KCNH1: variants seen among roughly 807,000 people sequenced by gnomAD.
KCNH1 encodes voltage-gated delayed rectifier potassium channel KCNH1.
KCNH1 carries 27 observed loss-of-function variants against 69.2 expected under a neutral mutation model. The ratio of observed to expected loss-of-function variants is 0.39; its 90% confidence interval spans 0.29 to 0.54. KCNH1 has a LOEUF of 0.54. KCNH1 is among the 20% of genes least tolerant of loss of function. The pLI, the probability that KCNH1 is intolerant of heterozygous loss-of-function variation, is 0.68. For synonymous variants in KCNH1, 456 were observed against 487.7 expected (o/e 0.93, Z 0.86); for missense variants, 798 against 1,261.6 (o/e 0.63, Z 5.57).
chr1:210,889,837 G>A (rs1259588196), intron 7 of KCNH1, among the ~76,000 whole-genome samples: 1 of 152,004 alleles, frequency 6.6e-6, no homozygotes, highest in Non-Finnish European at 1.5e-5. Flanking sequence ...AACTTACAAG[G>A]GATGTGAAGG....
At chr1:210,949,657 T>G (rs1166089489) in intron 6 of KCNH1, among the ~76,000 whole-genome samples, 1 of 152,152 alleles carries the variant, frequency 6.6e-6, no homozygotes, top group Non-Finnish European at 1.5e-5. Flanking sequence ...AATGAATCGG[T>G]TGCACCAGCC....
intron 1 of KCNH1, among the ~76,000 whole-genome samples, chr1:211,114,364 C>A (rs547115145): frequency 3.5e-4 from 54 of 152,274 alleles, no homozygotes; most frequent in South Asian, 2.7e-3. Context: ...GCTCGAGATA[C>A]CACTTTATAG....
At position 211,060,326 on chromosome 1, in the gene KCNH1, G is replaced by A. The variant is rs1690410736; in HGVS notation, c.558+22454C>T. The stretch of plus-strand genomic sequence containing the variant: ...ACCTTATGATGCATCTTATGAACCC[G>A]GGAGGCGGAGCTTGCAGTGAGCCGA... On this transcript the variant is annotated intron_variant, in intron 5 of 10. Coordinates refer to ENST00000271751, the MANE Select transcript of KCNH1 (RefSeq NM_172362.3). 1.3e-5 allele frequency among the ~76,000 whole-genome samples: 2 copies of A among 148,486 alleles called. 1 individual carries two copies. The highest frequency in any genetic ancestry group is 4.3e-4 in the South Asian group (2 of 4,700).
At chr1:211,009,671 C>G (rs1216435968) in intron 6 of KCNH1, among the ~76,000 whole-genome samples, 1 of 151,342 alleles carries the variant, frequency 6.6e-6, no homozygotes, top group Non-Finnish European at 1.5e-5. Flanking sequence ...TGCAGTGGTG[C>G]GATCTCAGCT....
chr1:210,768,601 C>T (rs976433533), intron 10 of KCNH1, among the ~76,000 whole-genome samples: 13 of 152,204 alleles, frequency 8.5e-5, no homozygotes, highest in Non-Finnish European at 1.3e-4. Context: ...TGTAGATCCA[C>T]GGAAGACCAC....
intron 7 of KCNH1, among the ~76,000 whole-genome samples, chr1:210,909,124 A>G (rs754263656): frequency 7.2e-5 from 11 of 152,266 alleles, no homozygotes; most frequent in Non-Finnish European, 1.6e-4. Context: ...AACATTTGTT[A>G]GTCTGCAAAA....
chr1:210,964,635 A>G (rs185113152), intron 6 of KCNH1, among the ~76,000 whole-genome samples: 1 of 152,214 alleles, frequency 6.6e-6, no homozygotes, highest in Non-Finnish European at 1.5e-5. Context: ...AAAAAAGTCC[A>G]GGATCTGACA....
intron 5 of KCNH1, among the ~76,000 whole-genome samples, chr1:211,062,070 A>G (rs1690441822): frequency 6.6e-6 from 1 of 152,176 alleles, no homozygotes; most frequent in Non-Finnish European, 1.5e-5. Flanking sequence ...AAATTATACT[A>G]CAAAGCTGTA....
intron 5 of KCNH1, among the ~76,000 whole-genome samples, chr1:211,065,111 T>C (rs1187543048): frequency 1.3e-5 from 2 of 152,202 alleles, no homozygotes; most frequent in East Asian, 1.9e-4. Context: ...AATGACCATA[T>C]GATTCACCAA....
At chr1:210,826,281 G>A (rs752458665) in intron 7 of KCNH1, among the ~76,000 whole-genome samples, 5 of 152,034 alleles carry the variant, frequency 3.3e-5, no homozygotes, top group African/African-American at 7.2e-5. Flanking sequence ...ATCAGTAGGC[G>A]AGCTCTGAGC....
chr1:210,875,639 TA>T (rs1686357332), intron 7 of KCNH1, among the ~76,000 whole-genome samples: 1 of 151,836 alleles, frequency 6.6e-6, no homozygotes, highest in Non-Finnish European at 1.5e-5. Context: ...CCATCTCTAC[TA>T]AAAACACAAA....
intron 5 of KCNH1, among the ~76,000 whole-genome samples, chr1:211,041,823 T>C (rs1227218895): frequency 5.3e-5 from 8 of 152,148 alleles, no homozygotes; most frequent in Admixed American, 5.2e-4. Flanking sequence ...GGCATGATCC[T>C]GGCTCACTGC....
At chr1:211,071,012 T>C (rs1190099302) in intron 5 of KCNH1, among the ~76,000 whole-genome samples, 1 of 152,160 alleles carries the variant, frequency 6.6e-6, no homozygotes, top group East Asian at 1.9e-4. Context: ...ACCAATAATA[T>C]AAAGTCAATT....
intron 10 of KCNH1, among the ~76,000 whole-genome samples, chr1:210,706,531 A>G (rs1181891725): frequency 1.3e-5 from 2 of 152,222 alleles, no homozygotes; most frequent in African/African-American, 4.8e-5. Context: ...TAATGATTTA[A>G]TTAGAACCAC....
chr1:211,021,187 CT>C, intron 5 of KCNH1, among the ~76,000 whole-genome samples: 1 of 152,162 alleles, frequency 6.6e-6, no homozygotes, highest in Non-Finnish European at 1.5e-5. Context: ...GGATAAAAGA[CT>C]ACAAAATTGG....
At chr1:210,794,960 C>T (rs74620502) in intron 9 of KCNH1, among the ~76,000 whole-genome samples, 26,626 of 152,118 alleles carry the variant, frequency 0.18, 3,088 homozygotes, top group Non-Finnish European at 0.26. Context: ...TTTTTGCCTT[C>T]ATGAGTCCTA....
intron 6 of KCNH1, among the ~76,000 whole-genome samples, chr1:211,001,065 A>G (rs548444223): frequency 1.7e-4 from 26 of 152,330 alleles, no homozygotes; most frequent in African/African-American, 5.8e-4. Context: ...AAACCCTAGA[A>G]GAAAACCCAG....
intron 10 of KCNH1, among the ~76,000 whole-genome samples, chr1:210,749,328 T>A (rs1286147452): frequency 6.6e-6 from 1 of 152,148 alleles, no homozygotes; most frequent in Non-Finnish European, 1.5e-5. Context: ...TTACCTGAGC[T>A]TTTAAGTAAA....
At chr1:211,119,447 T>A (rs1246118641) in intron 1 of KCNH1, among the ~76,000 whole-genome samples, 1 of 152,092 alleles carries the variant, frequency 6.6e-6, no homozygotes, top group Non-Finnish European at 1.5e-5. Context: ...ATGATTGAGA[T>A]AAATGATGAG....
Sources: gnomAD v4.1 joint callset for allele counts (sites outside exome capture counted in the v4.1 genomes callset) on GRCh38, gnomAD v4.1.1 for gene constraint, MANE v1.5 for transcripts, NCBI Gene and HGNC (gene_info 2026-07-23, HGNC 2026-07-21) for gene names.